The following ENTREP2 variants were observed in gnomAD, a reference collection of about 807,000 sequenced individuals.
The protein encoded by ENTREP2 is endosomal transmembrane epsin interactor 2, also known as protein ENTREP2.
the ENTREP2 span, among the ~76,000 whole-genome samples, chr15:29,606,818 AC>A: frequency 6.6e-6 from 1 of 151,532 alleles, no homozygotes; most frequent in African/African-American, 2.4e-5. Context: ...TGTGCATTGA[AC>A]CTTTTCTTTC....
the ENTREP2 span, among the ~76,000 whole-genome samples, chr15:29,465,282 A>G: frequency 2.0e-5 from 3 of 152,138 alleles, no homozygotes; most frequent in South Asian, 4.1e-4. Context: ...CTCCATTTGC[A>G]GAACTTCAAT....
chr15:29,371,451 T>C, the ENTREP2 span, among the ~76,000 whole-genome samples: 1 of 151,852 alleles, frequency 6.6e-6, no homozygotes, highest in Non-Finnish European at 1.5e-5. Context: ...TTTGTAAATA[T>C]AAATAGGACA....
the ENTREP2 span, among the ~76,000 whole-genome samples, chr15:29,582,938 C>A: frequency 5.9e-5 from 9 of 152,064 alleles, no homozygotes; most frequent in African/African-American, 1.9e-4. Context: ...CATGAGCCAC[C>A]GTGCCCAGCC....
At chr15:29,551,792 C>T in the ENTREP2 span, among the ~76,000 whole-genome samples, 1 of 151,934 alleles carries the variant, frequency 6.6e-6, no homozygotes, top group Non-Finnish European at 1.5e-5. Flanking sequence ...GTCCTCGTGG[C>T]TTTTTGGAAG....
At chr15:29,652,400 G>A in the ENTREP2 span, among the ~76,000 whole-genome samples, 3 of 152,210 alleles carry the variant, frequency 2.0e-5, no homozygotes, top group Non-Finnish European at 4.4e-5. Context: ...TTGTCTGCAT[G>A]CCTCAGTCTT....
chr15:29,169,750 A>C, the ENTREP2 span, among the ~76,000 whole-genome samples: 673 of 152,292 alleles, frequency 4.4e-3, 5 homozygotes, highest in African/African-American at 0.014. Context: ...AGCCTCTAAT[A>C]AACTTGAAAT....
the ENTREP2 span, among the ~76,000 whole-genome samples, chr15:29,652,597 GC>G: frequency 2.6e-5 from 4 of 152,212 alleles, no homozygotes; most frequent in Non-Finnish European, 4.4e-5. Context: ...CCTCTTTGAG[GC>G]CCTGCGGTTC....
chr15:29,217,832 T>C, the ENTREP2 span, among the ~76,000 whole-genome samples: 6 of 152,190 alleles, frequency 3.9e-5, no homozygotes. Flanking sequence ...AGTTTTGTCA[T>C]ATTACCAGGG....
chr15:29,653,777 CCAA>C, the ENTREP2 span, among the ~76,000 whole-genome samples: 1 of 152,184 alleles, frequency 6.6e-6, no homozygotes, highest in Non-Finnish European at 1.5e-5. Flanking sequence ...AATACACACA[CCAA>C]CAATGCCTTA....
the ENTREP2 span, among the ~76,000 whole-genome samples, chr15:29,339,290 T>C: frequency 6.6e-6 from 1 of 152,158 alleles, no homozygotes; most frequent in African/African-American, 2.4e-5. Flanking sequence ...GCTCTTAGCA[T>C]AAGGGAGAAG....
chr15:29,447,338 C>T, the ENTREP2 span, among the ~76,000 whole-genome samples: 9 of 152,326 alleles, frequency 5.9e-5, no homozygotes, highest in Admixed American at 5.9e-4. Context: ...GATCAGTGGG[C>T]ATGCCTTTAC....
the ENTREP2 span, among the ~76,000 whole-genome samples, chr15:29,406,722 T>C: frequency 1.3e-5 from 2 of 152,146 alleles, no homozygotes; most frequent in African/African-American, 4.8e-5. Context: ...TACTTTCACA[T>C]TTCTAAACTT....
At chr15:29,329,402 T>C in the ENTREP2 span, among the ~76,000 whole-genome samples, 4 of 151,338 alleles carry the variant, frequency 2.6e-5, no homozygotes, top group Non-Finnish European at 4.4e-5. Context: ...ATCTCTAAAA[T>C]TTGCTATTTA....
At chr15:29,200,624 T>A in the ENTREP2 span, among the ~76,000 whole-genome samples, 1 of 152,074 alleles carries the variant, frequency 6.6e-6, no homozygotes, top group Non-Finnish European at 1.5e-5. Context: ...AATTGCGTGA[T>A]CTCACCTCAC....
the ENTREP2 span, among the ~76,000 whole-genome samples, chr15:29,389,173 G>A: frequency 2.0e-5 from 3 of 149,786 alleles, no homozygotes; most frequent in African/African-American, 7.4e-5. Context: ...AAAAAAGAAT[G>A]CAAGTCAGGA....
chr15:29,588,911 C>T, the ENTREP2 span, among the ~76,000 whole-genome samples: 1 of 151,652 alleles, frequency 6.6e-6, no homozygotes, highest in African/African-American at 2.4e-5. Flanking sequence ...ATCACTTGAG[C>T]CCTGGGAAGT....
the ENTREP2 span, among the ~76,000 whole-genome samples, chr15:29,453,319 C>T: frequency 6.6e-6 from 1 of 152,164 alleles, no homozygotes; most frequent in Admixed American, 6.5e-5. Flanking sequence ...CTGGAAGTGG[C>T]GGAGGGGAGG....
At chr15:29,329,301 TGCAGTGA>T in the ENTREP2 span, among the ~76,000 whole-genome samples, 1 of 151,094 alleles carries the variant, frequency 6.6e-6, no homozygotes, top group Non-Finnish European at 1.5e-5. Context: ...AGGCGGAGGT[TGCAGTGA>T]GCTGCGATCG....
At chr15:29,549,569 T>C in the ENTREP2 span, among the ~76,000 whole-genome samples, 1,685 of 152,168 alleles carry the variant, frequency 0.011, 33 homozygotes, top group African/African-American at 0.038. Context: ...TGTGCCCGGC[T>C]TCATTCATCT....
Sources: allele counts gnomAD v4.1 joint callset (sites outside exome capture counted in the v4.1 genomes callset), GRCh38; gene constraint gnomAD v4.1.1; transcripts MANE v1.5; gene names NCBI Gene and HGNC (gene_info 2026-07-23, HGNC 2026-07-21).